The following SDC2 variants were observed in gnomAD, a reference collection of about 807,000 sequenced individuals.
SDC2 encodes the protein syndecan 2, also known as syndecan-2.
In SDC2, 13 loss-of-function variants were observed where a neutral mutation model predicts 22.2. The observed-to-expected ratio is 0.59, with a 90% confidence interval of 0.38 to 0.93. The LOEUF (loss-of-function observed/expected upper bound fraction) is 0.93. Ranked by LOEUF, SDC2 falls within the 40% of genes least tolerant of loss-of-function variation. The pLI, the probability that SDC2 is intolerant of heterozygous loss-of-function variation, is 0.00. For synonymous variants in SDC2, 94 were observed against 92.8 expected, an observed-to-expected ratio of 1.01 and a Z score of -0.07; for missense variants, 235 against 246.8, an observed-to-expected ratio of 0.95 and a Z score of 0.32.
chr8:96,596,295 T>A (rs915854250), intron 2 of SDC2, among the ~76,000 whole-genome samples: 5 of 152,204 alleles, frequency 3.3e-5, no homozygotes, highest in Non-Finnish European at 5.9e-5. Flanking sequence ...CAGTTCCAGC[T>A]TAAAAACACC....
chr8:96,546,628 A>C (rs1813937317), intron 1 of SDC2, among the ~76,000 whole-genome samples: 1 of 152,116 alleles, frequency 6.6e-6, no homozygotes, highest in Non-Finnish European at 1.5e-5. Context: ...ATGTGTAATG[A>C]ATTTTTCTGT....
intron 1 of SDC2, among the ~76,000 whole-genome samples, chr8:96,583,162 G>A (rs1814618837): frequency 6.8e-6 from 1 of 147,590 alleles, no homozygotes; most frequent in Non-Finnish European, 1.5e-5. Flanking sequence ...ATGTTGCCCT[G>A]GCTGATCTTG....
intron 1 of SDC2, among the ~76,000 whole-genome samples, chr8:96,527,880 G>A (rs1188544307): frequency 6.6e-6 from 1 of 152,104 alleles, no homozygotes; most frequent in Non-Finnish European, 1.5e-5. Flanking sequence ...GGAAGACTAT[G>A]TATATTACAT....
chr8:96,599,430 T>C (rs926190410), intron 2 of SDC2, among the ~76,000 whole-genome samples: 2 of 152,170 alleles, frequency 1.3e-5, no homozygotes, highest in Non-Finnish European at 2.9e-5. Context: ...TGTAAGAAAA[T>C]GATTCATTGT....
chr8:96,605,468 T>A (rs970357415), intron 3 of SDC2, among the ~76,000 whole-genome samples: 1 of 152,226 alleles, frequency 6.6e-6, no homozygotes, highest in African/African-American at 2.4e-5. Flanking sequence ...ATGAGAAGAA[T>A]AGAAAAATCT....
intron 1 of SDC2, among the ~76,000 whole-genome samples, chr8:96,539,991 T>C (rs1813818783): frequency 1.3e-5 from 2 of 152,080 alleles, no homozygotes; most frequent in Admixed American, 1.3e-4. Context: ...TTAACTTGGT[T>C]GGGAAAATGG....
chr8:96,536,151 T>C (rs1002201206), intron 1 of SDC2, among the ~76,000 whole-genome samples: 1 of 151,920 alleles, frequency 6.6e-6, no homozygotes, highest in Non-Finnish European at 1.5e-5. Context: ...CTTTTTTTTT[T>C]TTTCCTTTTG....
chr8:96,597,584 A>AT (rs781489131), intron 2 of SDC2, among the ~76,000 whole-genome samples: 1 of 152,248 alleles, frequency 6.6e-6, no homozygotes, highest in Non-Finnish European at 1.5e-5. Flanking sequence ...ACTTACAGGA[A>AT]GAAAAAAATT....
intron 1 of SDC2, among the ~76,000 whole-genome samples, chr8:96,549,671 A>G (rs1813995433): frequency 6.6e-6 from 1 of 152,200 alleles, no homozygotes; most frequent in Non-Finnish European, 1.5e-5. Flanking sequence ...TGGTTCTGTA[A>G]GTCTTCATAT....
At position 96,611,539 on chromosome 8, in the gene SDC2, A is replaced by G. The variant is rs547218254; in HGVS notation, c.*1991A>G. The G allele has an allele frequency of 1.3e-3, 201 of 152,740 alleles. No homozygotes were observed. The highest frequency in any genetic ancestry group is 4.6e-3 in the African/African-American group (193 of 41,572). 9.5% of individuals were successfully genotyped at this position (152,740 alleles called of 1,614,324 possible). ...AGAACCAATTCACTTTAGAGTGACT[A>G]AAAGGAAACGATAGCCTAGCTTTCT... is the stretch of plus-strand genomic sequence containing the variant. On this transcript the variant is annotated 3_prime_UTR_variant, in exon 5 of 5. Transcript: ENST00000302190.
At chr8:96,579,697 T>C (rs766053211) in intron 1 of SDC2, among the ~76,000 whole-genome samples, 5 of 152,250 alleles carry the variant, frequency 3.3e-5, no homozygotes, top group Non-Finnish European at 5.9e-5. Flanking sequence ...AGAACTCTTA[T>C]AAGAGTTGCA....
intron 1 of SDC2, among the ~76,000 whole-genome samples, chr8:96,545,262 T>C (rs1813913124): frequency 6.6e-6 from 1 of 152,266 alleles, no homozygotes; most frequent in Non-Finnish European, 1.5e-5. Context: ...CTTTGTTTTA[T>C]GTAACCTTCG....
At position 96,494,261 on chromosome 8, in the gene SDC2, C is replaced by A; in HGVS notation, c.-11C>A. The A allele has an allele frequency of 6.5e-7, 1 of 1,544,156 alleles. No individual in the cohort carries two copies. Among genetic ancestry groups the A allele is most frequent in the Non-Finnish European group, 8.7e-7 (1 of 1,148,056 alleles). On this transcript the variant is annotated 5_prime_UTR_variant, in exon 1 of 5. Transcript: ENST00000302190. ...CAAGCAGCGGCTGGGAGCAGCCGGT[C>A]CCTGGGGAATATGCGGCGCGCGTGG...
In SDC2 at chr8:96,549,300, C is replaced by A. The variant is rs537740631; in HGVS notation, c.61-44180C>A. Among the ~76,000 whole-genome samples, 429 of 151,944 alleles carry A rather than the reference C, an allele frequency of 2.8e-3. 3 individuals carry two copies. The highest frequency in any genetic ancestry group is 9.4e-3 in the African/African-American group (391 of 41,492). On this transcript the variant is annotated intron_variant, in intron 1 of 4. Coordinates refer to ENST00000302190, the MANE Select transcript of SDC2 (RefSeq NM_002998.4). The stretch of plus-strand genomic sequence containing the variant: ...AAATAAACTAATAAAATCTTTTTTT[C>A]TTTTCTTGTTTCCTGTTGTTGAATG...
intron 1 of SDC2, among the ~76,000 whole-genome samples, chr8:96,559,622 T>C (rs1814174394): frequency 6.6e-6 from 1 of 152,224 alleles, no homozygotes; most frequent in African/African-American, 2.4e-5. Context: ...GGATTACCAG[T>C]GACGATTTAG....
At chr8:96,536,408 C>T (rs1480297810) in intron 1 of SDC2, among the ~76,000 whole-genome samples, 1 of 152,108 alleles carries the variant, frequency 6.6e-6, no homozygotes, top group African/African-American at 2.4e-5. Flanking sequence ...GTAGCCTCAA[C>T]CTCTATGGCC....
At chr8:96,572,612 C>T (rs1814415522) in intron 1 of SDC2, among the ~76,000 whole-genome samples, 1 of 152,104 alleles carries the variant, frequency 6.6e-6, no homozygotes, top group African/African-American at 2.4e-5. Flanking sequence ...ACAACAAAGG[C>T]CCCATGTTAT....
intron 1 of SDC2, among the ~76,000 whole-genome samples, chr8:96,588,380 A>G (rs1269143696): frequency 1.3e-5 from 2 of 152,214 alleles, no homozygotes; most frequent in Non-Finnish European, 2.9e-5. Context: ...TGTGGGTGAC[A>G]TAAATTTTTA....
intron 3 of SDC2, among the ~76,000 whole-genome samples, 169 bp from the exon 4 acceptor site, chr8:96,608,166 A>G (rs952989515): frequency 5.3e-5 from 8 of 152,220 alleles, no homozygotes; most frequent in African/African-American, 1.9e-4. Flanking sequence ...ACATGGGTCC[A>G]TCATGACACT....
Sources: allele counts gnomAD v4.1 joint callset (sites outside exome capture counted in the v4.1 genomes callset), GRCh38; gene constraint gnomAD v4.1.1; transcripts MANE v1.5; gene names NCBI Gene and HGNC (gene_info 2026-07-23, HGNC 2026-07-21).